Variants in EPS8 observed in about 807,000 individuals in gnomAD.
The protein encoded by EPS8 is epidermal growth factor receptor kinase substrate 8.
Under a neutral mutation model 103.8 loss-of-function variants are expected in EPS8, and 42 were observed. The observed-to-expected ratio is 0.40, with a 90% confidence interval of 0.32 to 0.52. The LOEUF (loss-of-function observed/expected upper bound fraction) is 0.52, where lower values mean the gene tolerates loss of function less well. Ranked by LOEUF, EPS8 falls within the 20% of genes least tolerant of loss-of-function variation. The pLI is 0.40. For synonymous variants in EPS8, 344 were observed against 344.6 expected, an observed-to-expected ratio of 1.00 and a Z score of 0.02; for missense variants, 969 against 1,005.1, an observed-to-expected ratio of 0.96 and a Z score of 0.49.
At chr12:15,788,520 T>C (rs993246441) in intron 1 of EPS8, among the ~76,000 whole-genome samples, 1 of 152,104 alleles carries the variant, frequency 6.6e-6, no homozygotes, top group Non-Finnish European at 1.5e-5. Flanking sequence ...AGGGAGTACA[T>C]GGGTGGGGAA....
chr12:15,773,099 C>G lies in EPS8; in HGVS notation c.-22+16062G>C, dbSNP rs145605410. On this transcript the variant is annotated intron_variant, in intron 1 of 20. Transcript: ENST00000281172. Reference sequence around the variant, plus strand: ...TCAAGAATCTTAGGTGGAAACAAGACAGAAATAAGGCAGCAGCAAAAGGAT... The same window carrying G: ...TCAAGAATCTTAGGTGGAAACAAGAGAGAAATAAGGCAGCAGCAAAAGGAT... Among the ~76,000 whole-genome samples, 17 of 152,098 alleles carry G rather than the reference C, an allele frequency of 1.1e-4. No individual in the cohort carries two copies. In the East Asian group the frequency reaches 3.1e-3, roughly 28 times the overall value.
At chr12:15,783,090 G>A (rs1177218595) in intron 1 of EPS8, among the ~76,000 whole-genome samples, 1 of 152,094 alleles carries the variant, frequency 6.6e-6, no homozygotes, top group African/African-American at 2.4e-5. Context: ...TGAATTGCTT[G>A]GTATGTACCA....
rs940717498 is a variant in EPS8 at position 15,700,945 on chromosome 12, G to A, written c.-21-17973C>T. Among the ~76,000 whole-genome samples the A allele has an allele frequency of 2.6e-5, 4 of 152,028 alleles. No individual in the cohort carries two copies. Among genetic ancestry groups the A allele is most frequent in the Non-Finnish European group, 5.9e-5 (4 of 68,010 alleles). Reference sequence around the variant, plus strand: ...GTAAAGAACATTTTCATAAACATACGGTCAGGAGAAAGGAGACTTTAAAAA... The same window carrying A: ...GTAAAGAACATTTTCATAAACATACAGTCAGGAGAAAGGAGACTTTAAAAA... On this transcript the variant is annotated intron_variant, in intron 1 of 20. Transcript: ENST00000281172. This position sits in a 1 kb window ranked among gnomAD's most constrained non-coding sequence, Gnocchi z 5.1.
At chr12:15,722,390 C>A (rs1946606845) in intron 1 of EPS8, among the ~76,000 whole-genome samples, 1 of 152,040 alleles carries the variant, frequency 6.6e-6, no homozygotes, top group Non-Finnish European at 1.5e-5. Context: ...TAATATTTAT[C>A]ATAAAAATCT....
At chr12:15,658,237 G>T in intron 11 of EPS8, 84 bp from the exon 12 acceptor site, 1 of 855,656 alleles carries the variant, frequency 1.2e-6, no homozygotes, top group Non-Finnish European at 1.9e-6. Flanking sequence ...CAGAGGGGAC[G>T]GTCTTTACCA....
rs1270432909 is a variant in EPS8, at chr12:15,751,498, C to T, written c.-22+37663G>A. Among the ~76,000 whole-genome samples the T allele has an allele frequency of 6.6e-6, 1 of 152,128 alleles. No individual in the cohort carries two copies. Among genetic ancestry groups the T allele is most frequent in the Non-Finnish European group, 1.5e-5 (1 of 68,030 alleles). Reference sequence around the variant, plus strand: ...CCACAATGATCCCAGTCCTAAAAAGCTCACATTCAAGTGTCCTCCAGACAA... The same window carrying T: ...CCACAATGATCCCAGTCCTAAAAAGTTCACATTCAAGTGTCCTCCAGACAA... On this transcript the variant is annotated intron_variant, in intron 1 of 20. Coordinates refer to ENST00000281172, the MANE Select transcript of EPS8 (RefSeq NM_004447.6). This position sits in a 1 kb window ranked among gnomAD's most constrained non-coding sequence, Gnocchi z 4.3.
In EPS8 at chr12:15,759,988, AAAG is replaced by A. The variant is rs1003577393; in HGVS notation, c.-22+29170_-22+29172del. ...TCAGAGCAGAAATAAGAGAAATTAAAAAGAAGAAAATATAAAAAAAATCAATGA... is the reference window on the plus strand; with the variant it reads ...TCAGAGCAGAAATAAGAGAAATTAAAAAGAAAATATAAAAAAAATCAATGA... On this transcript the variant is annotated intron_variant, in intron 1 of 20. Coordinates refer to ENST00000281172, the MANE Select transcript of EPS8 (RefSeq NM_004447.6). This position sits in a 1 kb window ranked among gnomAD's most constrained non-coding sequence, Gnocchi z 4.9. 1.3e-5 allele frequency among the ~76,000 whole-genome samples: 2 copies of A among 151,970 alleles called. No homozygotes were observed. The highest frequency in any genetic ancestry group is 6.5e-5 in the Admixed American group (1 of 15,276).
chr12:15,720,942 C>G (rs1946588505), intron 1 of EPS8, among the ~76,000 whole-genome samples: 1 of 152,208 alleles, frequency 6.6e-6, no homozygotes, highest in South Asian at 2.1e-4. Context: ...AACCCACCCT[C>G]TTGCATTAAT....
chr12:15,654,340 GTAT>G, intron 12 of EPS8, 47 bp from the exon 13 acceptor site: 1 of 1,574,790 alleles, frequency 6.4e-7, no homozygotes, highest in African/African-American at 1.4e-5. Flanking sequence ...TATTCTTTGT[GTAT>G]TTTCAAAATG....
At chr12:15,740,720 T>C (rs1591911398) in intron 1 of EPS8, among the ~76,000 whole-genome samples, 1 of 152,094 alleles carries the variant, frequency 6.6e-6, no homozygotes, top group East Asian at 1.9e-4. Context: ...CAAGTTTAAA[T>C]TTCAGCTCTG....
chr12:15,638,644 C>G (rs1162606538), intron 17 of EPS8, among the ~76,000 whole-genome samples: 2 of 152,102 alleles, frequency 1.3e-5, no homozygotes, highest in Admixed American at 1.3e-4. Context: ...CTATAAGAAC[C>G]ACAAGTTTCT....
chr12:15,661,347 G>C (rs555187044), intron 9 of EPS8, among the ~76,000 whole-genome samples: 117 of 152,026 alleles, frequency 7.7e-4, no homozygotes, highest in African/African-American at 2.8e-3. Context: ...CTACAAATTG[G>C]GGTTAAACTT....
Position 15,784,139 on chromosome 12 carries a change from G to T in EPS8, c.-22+5022C>A, listed in dbSNP as rs187962510. Among the ~76,000 whole-genome samples the T allele has an allele frequency of 1.3e-3, 198 of 152,190 alleles. 1 individual carries two copies. The highest frequency in any genetic ancestry group is 0.01 in the Middle Eastern group (3 of 294). On this transcript the variant is annotated intron_variant, in intron 1 of 20. Transcript: ENST00000281172. The surrounding 1 kb of genome is among the most constrained non-coding windows in gnomAD (Gnocchi z 4.0). ...AACACAAAAGCCTATCCATGAAATT[G>T]GTAAGTTGGCCTTATTAAAATTAAA...
chr12:15,665,338 T>TC (rs1945688008), intron 8 of EPS8: 1 of 173,590 alleles, frequency 5.8e-6, no homozygotes. Context: ...GATTTGATTT[T>TC]TTTTTTTTTT....
rs1216270069 is a variant in EPS8, at chr12:15,650,991, T to C, written c.1266A>G (p.Lys422=). 1.2e-6 allele frequency: 2 copies of C among 1,613,586 alleles called. No individual in the cohort carries two copies. The highest frequency in any genetic ancestry group is 1.3e-5 in the African/African-American group (1 of 74,912). Residue 422 remains lysine, a synonymous_variant, in exon 14 of 21, where the codon AAA becomes AAG. Coordinates refer to ENST00000281172, the MANE Select transcript of EPS8 (RefSeq NM_004447.6). ...TWMKARAEWP[K]EQFIPPYVPR... ...GAACATATGGTGGAATAAACTGTTC[T>C]TTTGGCCACTCTGCTCTGCAGGAGG...
At position 15,717,231 on chromosome 12, in the gene EPS8, A is replaced by G. The variant is rs1037448047; in HGVS notation, c.-21-34259T>C. Among the ~76,000 whole-genome samples, 2 of 152,198 alleles carry G rather than the reference A, an allele frequency of 1.3e-5. No homozygotes were observed. Among genetic ancestry groups the G allele is most frequent in the East Asian group, 1.9e-4 (1 of 5,200 alleles). Reference sequence around the variant, plus strand: ...ATGATGGGAATTTGTTAAAACATTCAATGAGTCAGTATGGGTTGAAGCTAT... The same window carrying G: ...ATGATGGGAATTTGTTAAAACATTCGATGAGTCAGTATGGGTTGAAGCTAT... On this transcript the variant is annotated intron_variant, in intron 1 of 20. Coordinates refer to ENST00000281172, the MANE Select transcript of EPS8 (RefSeq NM_004447.6). This position sits in a 1 kb window ranked among gnomAD's most constrained non-coding sequence, Gnocchi z 4.3.
rs967684625 is a variant in EPS8 at position 15,761,582 on chromosome 12, C to G, written c.-22+27579G>C. Among the ~76,000 whole-genome samples, 9 of 152,006 alleles carry G rather than the reference C, an allele frequency of 5.9e-5. No homozygotes were observed. The highest frequency in any genetic ancestry group is 1.2e-4 in the Non-Finnish European group (8 of 67,988). On this transcript the variant is annotated intron_variant, in intron 1 of 20. Coordinates refer to ENST00000281172, the MANE Select transcript of EPS8 (RefSeq NM_004447.6). This position sits in a 1 kb window ranked among gnomAD's most constrained non-coding sequence, Gnocchi z 4.5. The stretch of plus-strand genomic sequence containing the variant: ...AAAAGGCATGGAACTGGAATAAAAA[C>G]AGACACATAGACCAATAGAAAAGAA...
At chr12:15,655,259 T>C (rs1945486778) in intron 12 of EPS8, among the ~76,000 whole-genome samples, 1 of 152,178 alleles carries the variant, frequency 6.6e-6, no homozygotes, top group South Asian at 2.1e-4. Flanking sequence ...GTAACTCCGA[T>C]GTACCACTCC....
At chr12:15,634,851 A>G in intron 17 of EPS8, 1 of 397,338 alleles carries the variant, frequency 2.5e-6, no homozygotes, top group East Asian at 3.6e-5. Context: ...TTCACATCAA[A>G]TATCAGAAAG....
Sources: allele counts gnomAD v4.1 joint callset (sites outside exome capture counted in the v4.1 genomes callset), GRCh38; gene constraint gnomAD v4.1.1; non-coding constraint Gnocchi (gnomAD v3.1); transcripts MANE v1.5; gene names NCBI Gene and HGNC (gene_info 2026-07-23, HGNC 2026-07-21).